Variants in CMIP observed in about 807,000 individuals in gnomAD.
The protein encoded by CMIP is C-Maf-inducing protein.
In CMIP, 13 loss-of-function variants were observed where a neutral mutation model predicts 97.3. The observed-to-expected ratio is 0.13, with a 90% confidence interval of 0.09 to 0.21. The LOEUF is 0.21. Ranked by LOEUF, CMIP falls within the 10% of genes least tolerant of loss-of-function variation. The probability of loss-of-function intolerance (pLI) is 1.00; values close to 1 mark genes in which losing one functional copy is unlikely to be tolerated. For synonymous variants in CMIP, 538 were observed against 436.3 expected (o/e 1.23, Z -2.91); for missense variants, 847 against 1,024.9 (o/e 0.83, Z 2.37).
intron 1 of CMIP, among the ~76,000 whole-genome samples, chr16:81,546,908 G>C (rs2090556980): frequency 6.6e-6 from 1 of 152,216 alleles, no homozygotes; most frequent in Admixed American, 6.5e-5. Context: ...GTGGCGAACA[G>C]CTCTTGTACT....
intron 1 of CMIP, among the ~76,000 whole-genome samples, chr16:81,579,881 G>A (rs560197192): frequency 1.3e-5 from 2 of 152,318 alleles, no homozygotes; most frequent in Non-Finnish European, 2.9e-5. Context: ...GCGTGAACCC[G>A]GGAGGCGGAG....
chr16:81,705,804 A>C (rs1908070775), intron 19 of CMIP, among the ~76,000 whole-genome samples, 200 bp downstream of exon 19: 1 of 152,260 alleles, frequency 6.6e-6, no homozygotes, highest in Non-Finnish European at 1.5e-5. Context: ...AAATATCCCT[A>C]ACCTCAGAGA....
At chr16:81,579,838 C>T (rs1164597319) in intron 1 of CMIP, among the ~76,000 whole-genome samples, 1 of 152,224 alleles carries the variant, frequency 6.6e-6, no homozygotes, top group East Asian at 1.9e-4. Flanking sequence ...CGCCTGTAGT[C>T]CCAGTTACTC....
chr16:81,540,421 G>A (rs2090426414), intron 1 of CMIP, among the ~76,000 whole-genome samples: 2 of 152,144 alleles, frequency 1.3e-5, no homozygotes, highest in Admixed American at 1.3e-4. Flanking sequence ...TCCTGCCTCA[G>A]CCTCCCGAGT....
chr16:81,500,596 C>G (rs964469448), intron 1 of CMIP, among the ~76,000 whole-genome samples: 1 of 151,222 alleles, frequency 6.6e-6, no homozygotes, highest in Non-Finnish European at 1.5e-5. Context: ...TGAAGTGATT[C>G]TCCTGCCTCA....
chr16:81,529,520 A>G (rs2090192932), intron 1 of CMIP, among the ~76,000 whole-genome samples: 1 of 152,154 alleles, frequency 6.6e-6, no homozygotes. Context: ...GCCCTCAAAG[A>G]TGCCCATGTC....
chr16:81,650,981 A>C (rs1435031485), intron 3 of CMIP, among the ~76,000 whole-genome samples: 2 of 152,058 alleles, frequency 1.3e-5, no homozygotes, highest in Non-Finnish European at 2.9e-5. Flanking sequence ...GGGTCCCTTG[A>C]CCACTTGATA....
At chr16:81,582,311 T>G (rs2091309714) in intron 1 of CMIP, among the ~76,000 whole-genome samples, 2 of 152,014 alleles carry the variant, frequency 1.3e-5, no homozygotes, top group Admixed American at 6.5e-5. Flanking sequence ...CTTGGAATAT[T>G]TTTTTTGCCA....
chr16:81,674,956 T>C (rs891967228), intron 9 of CMIP, among the ~76,000 whole-genome samples: 5 of 151,424 alleles, frequency 3.3e-5, no homozygotes, highest in African/African-American at 9.8e-5. Context: ...TATATGTCAA[T>C]TTAAAAAAAG....
chr16:81,551,753 C>G lies in CMIP; in HGVS notation c.301-55814C>G, dbSNP rs182170580. ...CTGGGGACATCATAGGGGTCTGTGTCCAAGGTGGCCTCTGCTTCCAGAGGT... is the reference window on the plus strand; with the variant it reads ...CTGGGGACATCATAGGGGTCTGTGTGCAAGGTGGCCTCTGCTTCCAGAGGT... On this transcript the variant is annotated intron_variant, in intron 1 of 20. Transcript: ENST00000537098. 5.9e-3 allele frequency among the ~76,000 whole-genome samples: 894 copies of G among 152,338 alleles called. 3 individuals are homozygous for G. The highest frequency in any genetic ancestry group is 9.9e-3 in the Non-Finnish European group (675 of 68,032).
intron 2 of CMIP, among the ~76,000 whole-genome samples, chr16:81,608,132 T>C (rs559917152): frequency 2.0e-5 from 3 of 152,338 alleles, no homozygotes; most frequent in South Asian, 4.1e-4. Context: ...TTGAGGCTGA[T>C]AGAAGTATAA....
At chr16:81,556,914 C>T (rs2090775350) in intron 1 of CMIP, among the ~76,000 whole-genome samples, 1 of 152,164 alleles carries the variant, frequency 6.6e-6, no homozygotes, top group South Asian at 2.1e-4. Flanking sequence ...TGTCCCAGAC[C>T]AGGGAGGCCA....
chr16:81,606,488 T>C (rs2091745950), intron 1 of CMIP, among the ~76,000 whole-genome samples: 1 of 152,180 alleles, frequency 6.6e-6, no homozygotes, highest in African/African-American at 2.4e-5. Context: ...CTCGGTCACC[T>C]GGTGCCTTCT....
At chr16:81,522,454 G>A (rs930577843) in intron 1 of CMIP, among the ~76,000 whole-genome samples, 1 of 152,216 alleles carries the variant, frequency 6.6e-6, no homozygotes, top group Admixed American at 6.5e-5. Context: ...TGGGGTGCCT[G>A]GGCCTGGATT....
At chr16:81,641,394 C>T (rs1182893572) in intron 3 of CMIP, among the ~76,000 whole-genome samples, 1 of 152,084 alleles carries the variant, frequency 6.6e-6, no homozygotes, top group Non-Finnish European at 1.5e-5. Context: ...GCTCCTAGCT[C>T]AGCGAGGAAA....
At chr16:81,481,618 G>A (rs2089224578) in intron 1 of CMIP, among the ~76,000 whole-genome samples, 1 of 152,208 alleles carries the variant, frequency 6.6e-6, no homozygotes, top group Non-Finnish European at 1.5e-5. Context: ...CTAGTTTCCT[G>A]TGGCTGCTAT....
chr16:81,654,891 A>C (rs112034639), intron 4 of CMIP, among the ~76,000 whole-genome samples: 2 of 98,582 alleles, frequency 2.0e-5, no homozygotes, highest in African/African-American at 4.7e-5. Context: ...ATGAAGAGTG[A>C]GAAACCGTGT....
rs576837529 is a variant in CMIP, at chr16:81,536,688, C to A, written c.301-70879C>A. Among the ~76,000 whole-genome samples, 6 of 152,230 alleles carry A rather than the reference C, an allele frequency of 3.9e-5. No individual in the cohort carries two copies. In the East Asian group the frequency reaches 1.2e-3, roughly 29 times the overall value. ...AGCAGGAGGCCGAGGGACAACAGCA[C>A]CAGCCTTTGTGGTAGGTGTTAATAC... On this transcript the variant is annotated intron_variant, in intron 1 of 20. Transcript: ENST00000537098.
intron 10 of CMIP, 98 bp downstream of exon 10, chr16:81,678,726 G>A: frequency 3.2e-6 from 2 of 628,856 alleles, no homozygotes; most frequent in Non-Finnish European, 5.6e-6. Context: ...AGCTACGCAG[G>A]GCCGGGCATG....
Sources: allele counts gnomAD v4.1 joint callset (sites outside exome capture counted in the v4.1 genomes callset), GRCh38; gene constraint gnomAD v4.1.1; transcripts MANE v1.5; gene names NCBI Gene and HGNC (gene_info 2026-07-23, HGNC 2026-07-21).